Variants in MARF1 observed in about 807,000 individuals in gnomAD.
MARF1 encodes limkain-b1.
Under a neutral mutation model 168.2 loss-of-function variants are expected in MARF1, and 24 were observed. The observed-to-expected ratio is 0.14, with a 90% confidence interval of 0.10 to 0.20. The LOEUF (loss-of-function observed/expected upper bound fraction) is 0.20, where lower values mean the gene tolerates loss of function less well. Among genes scored for constraint, MARF1 ranks in the 10% least tolerant of loss-of-function variants. The pLI, the probability that MARF1 is intolerant of heterozygous loss-of-function variation, is 1.00. For missense variants in MARF1, 1,744 were observed against 2,143.6 expected (o/e 0.81, Z 3.68); for synonymous variants, 868 against 822.4 (o/e 1.06, Z -0.95).
At position 15,635,914 on chromosome 16, in the gene MARF1, C is replaced by A; in HGVS notation, c.573G>T (p.Leu191=). The A allele has an allele frequency of 1.4e-5, 22 of 1,614,074 alleles. No homozygotes were observed. Among genetic ancestry groups the A allele is most frequent in the Non-Finnish European group, 1.8e-5 (21 of 1,180,028 alleles). Residue 191 remains leucine (L), a synonymous_variant, in exon 3 of 27, where the codon CTG becomes CTT. Coordinates refer to ENST00000396368, the MANE Select transcript of MARF1 (RefSeq NM_014647.4). ...GGAAGTGGAGTTTTCCACAACAGGG[C>A]AGGTGTTTGCAGGAAGACAGGTTAC... ...LESNLSSCKH[L]PCCGKLHFQS... is the part of the protein sequence containing the mutation.
At chr16:15,615,462 A>C (rs2033968628) in intron 16 of MARF1, among the ~76,000 whole-genome samples, 1 of 152,044 alleles carries the variant, frequency 6.6e-6, no homozygotes, top group South Asian at 2.1e-4. Context: ...TGTCTCTACT[A>C]AAAATACAAA....
Position 15,608,285 on chromosome 16 carries a change from AT to A in MARF1, c.4182+5del. ...GAAAAAAAAAAAAAAAAAAAAAAAC[AT>A]TTACCTTCACGACATGGCAGAGTTT... On this transcript the variant is annotated splice_donor_5th_base_variant and intron_variant, in intron 21 of 26. Coordinates refer to ENST00000396368, the MANE Select transcript of MARF1 (RefSeq NM_014647.4). The A allele has an allele frequency of 2.1e-6, 3 of 1,438,250 alleles. No individual in the cohort carries two copies. The highest frequency in any genetic ancestry group is 2.9e-6 in the Non-Finnish European group (3 of 1,046,418). 89.1% of individuals were successfully genotyped at this position (1,438,250 alleles called of 1,614,324 possible).
chr16:15,620,334 G>A lies in MARF1; in HGVS notation c.2720+117C>T, dbSNP rs529999874. 1.1e-5 allele frequency: 6 copies of A among 527,866 alleles called. No homozygotes were observed. In the South Asian group the frequency reaches 1.8e-4, roughly 15 times the overall value. The allele number at this position is 527,866 out of a possible 1,614,324, so 32.7% of individuals were successfully genotyped here. A position where few individuals can be genotyped will look rare whatever the true frequency, so the allele number is the denominator to read the frequency against. On this transcript the variant is annotated intron_variant, in intron 13 of 26. Coordinates refer to ENST00000396368, the MANE Select transcript of MARF1 (RefSeq NM_014647.4). ...TTGACATGTAAATCTGAATGCCAGTGTCTCTGTCTCCTCTCCTCTACCAGG... is the reference window on the plus strand; with the variant it reads ...TTGACATGTAAATCTGAATGCCAGTATCTCTGTCTCCTCTCCTCTACCAGG...
Position 15,625,508 on chromosome 16 carries a change from T to C in MARF1, c.1817A>G (p.Lys606Arg). 1.9e-6 allele frequency: 3 copies of C among 1,614,268 alleles called. No homozygotes were observed. Among genetic ancestry groups the C allele is most frequent in the African/African-American group, 1.3e-5 (1 of 75,072 alleles). Residue 606 changes from lysine (K) to arginine (R), a missense_variant, in exon 8 of 27, where the codon AAA (lysine) becomes AGA (arginine). Around this residue, in one of 7 missense-constraint regions of MARF1, gnomAD observed 270 missense variants for 260.6 expected, o/e 1.04. Coordinates refer to ENST00000396368, the MANE Select transcript of MARF1 (RefSeq NM_014647.4). ...GCACAATTTTGGATTCTTAAGTTTT[T>C]TGGGAGACTTCACTTTATCAGCAAT... ...NAIADKVKSPKKLKNPKLCLI... is the reference protein window; with the variant it reads ...NAIADKVKSPRKLKNPKLCLI...
At chr16:15,638,339 A>G (rs976323077) in intron 2 of MARF1, among the ~76,000 whole-genome samples, 3 of 151,770 alleles carry the variant, frequency 2.0e-5, no homozygotes, top group African/African-American at 7.2e-5. Flanking sequence ...TAATCCCAGC[A>G]CTTTGGGAGG....
intron 10 of MARF1, 149 bp from the exon 11 acceptor site, chr16:15,623,272 A>AACT: frequency 3.5e-6 from 1 of 287,986 alleles, no homozygotes; most frequent in Non-Finnish European, 5.6e-6. Context: ...TGTGTTTTTA[A>AACT]TCTTTTTTTT....
At chr16:15,613,020 A>T (rs1295865723) in intron 16 of MARF1, among the ~76,000 whole-genome samples, 1 of 152,226 alleles carries the variant, frequency 6.6e-6, no homozygotes, top group East Asian at 1.9e-4. Flanking sequence ...CGGCCAAGGT[A>T]AAGCAGAGTC....
chr16:15,635,312 C>T (rs968412266), intron 3 of MARF1: 2 of 404,952 alleles, frequency 4.9e-6, no homozygotes, highest in African/African-American at 4.1e-5. Context: ...AGTTATCTAC[C>T]TTACATGAAT....
chr16:15,608,769 C>A, intron 20 of MARF1: 8 of 462,684 alleles, frequency 1.7e-5, no homozygotes, highest in Admixed American at 3.7e-5. Context: ...TATTGTGCCA[C>A]AATAAAACAA....
At chr16:15,618,792 C>T (rs151126465) in intron 13 of MARF1, among the ~76,000 whole-genome samples, 1 of 152,302 alleles carries the variant, frequency 6.6e-6, no homozygotes, top group East Asian at 1.9e-4. Flanking sequence ...TATGTGACCT[C>T]TCCACCCAGC....
In MARF1 at chr16:15,639,105, T is replaced by G; in HGVS notation, c.129A>C (p.Pro43=). The G allele has an allele frequency of 1.1e-5, 17 of 1,614,044 alleles. No homozygotes were observed. The highest frequency in any genetic ancestry group is 1.4e-5 in the Non-Finnish European group (17 of 1,179,978). ...NCFSRPEQTL[P]HSPQTKEYME... ...ATATAGTTACCGTTTGGGGACTATG[T>G]GGCAGCGTCTGCTCAGGACGAGAAA... Residue 43 remains proline, a synonymous_variant, in exon 2 of 27, where the codon CCA becomes CCC. Coordinates refer to ENST00000396368, the MANE Select transcript of MARF1 (RefSeq NM_014647.4).
Position 15,596,292 on chromosome 16 carries a change from G to C in MARF1, c.*401C>G, listed in dbSNP as rs756790184. 9.0e-5 allele frequency: 14 copies of C among 155,446 alleles called. No homozygotes were observed. Among genetic ancestry groups the C allele is most frequent in the Non-Finnish European group, 1.8e-4 (13 of 71,132 alleles). The allele number at this position is 155,446 out of a possible 1,614,324, so 9.6% of individuals were successfully genotyped here. On this transcript the variant is annotated 3_prime_UTR_variant, in exon 27 of 27. Transcript: ENST00000396368. ...GGAAACACCAGTAAGCAAAGGCTGA[G>C]AGACTCTATTATGCTACATGTAGGA...
At chr16:15,597,752 T>C (rs1308194149) in intron 26 of MARF1, among the ~76,000 whole-genome samples, 1 of 152,112 alleles carries the variant, frequency 6.6e-6, no homozygotes, top group African/African-American at 2.4e-5. Context: ...TCTTGTCCGG[T>C]GCATGCAGTT....
At position 15,625,528 on chromosome 16, in the gene MARF1, A is replaced by G; in HGVS notation, c.1797T>C (p.Ala599=). The G allele has an allele frequency of 6.2e-7, 1 of 1,614,182 alleles. No homozygotes were observed. Among genetic ancestry groups the G allele is most frequent in the Non-Finnish European group, 8.5e-7 (1 of 1,180,040 alleles). The change falls in exon 8 of 27, where the codon GCT becomes GCC. Residue 599 remains alanine (A), a synonymous_variant. Coordinates refer to ENST00000396368, the MANE Select transcript of MARF1 (RefSeq NM_014647.4). ...LCETKSSNAI[A]DKVKSPKKLK... ...GTTTTTTGGGAGACTTCACTTTATC[A>G]GCAATTGCATTTGAACTCTTTGTTT...
chr16:15,637,697 G>A (rs2035686228), intron 2 of MARF1, among the ~76,000 whole-genome samples: 1 of 152,004 alleles, frequency 6.6e-6, no homozygotes, highest in Non-Finnish European at 1.5e-5. Context: ...GACTCCATGA[G>A]GACCAGATCT....
At position 15,623,063 on chromosome 16, in the gene MARF1, C is replaced by T. The variant is rs1265366025; in HGVS notation, c.2331G>A (p.Ser777=). Residue 777 remains serine (S), a synonymous_variant, in exon 11 of 27, where the codon TCG becomes TCA. Coordinates refer to ENST00000396368, the MANE Select transcript of MARF1 (RefSeq NM_014647.4). ...GGTCTGGGCAGTCGGCTTCGCTGCT[C>T]GAATTTGCAATGTTGAAAGCAAGCG... The part of the protein sequence containing the change: ...ASPLAFNIAN[S]SSEADCPDPF... 5.0e-6 allele frequency: 8 copies of T among 1,610,508 alleles called. No individual in the cohort carries two copies. Among genetic ancestry groups the T allele is most frequent in the East Asian group, 4.5e-5 (2 of 44,764 alleles).
chr16:15,635,569 G>A, intron 3 of MARF1, 87 bp downstream of exon 3: 2 of 1,209,316 alleles, frequency 1.7e-6, no homozygotes, highest in Non-Finnish European at 2.4e-6. Flanking sequence ...TCAACCCCAT[G>A]TATAATACTT....
rs77404734 is a variant in MARF1, at chr16:15,608,283, A to C, written c.4182+8T>G. 4 of 1,366,420 alleles carry C rather than the reference A, an allele frequency of 2.9e-6. No homozygotes were observed. Among genetic ancestry groups the C allele is most frequent in the South Asian group, 2.6e-5 (2 of 76,218 alleles). 84.6% of individuals were successfully genotyped at this position (1,366,420 alleles called of 1,614,324 possible). On this transcript the variant is annotated splice_region_variant and intron_variant, in intron 21 of 26. Coordinates refer to ENST00000396368, the MANE Select transcript of MARF1 (RefSeq NM_014647.4). ...GGGAAAAAAAAAAAAAAAAAAAAAA[A>C]CATTTACCTTCACGACATGGCAGAG...
Position 15,595,356 on chromosome 16 carries a change from C to T in MARF1, c.*1337G>A, listed in dbSNP as rs1448673957. On this transcript the variant is annotated 3_prime_UTR_variant, in exon 27 of 27. Coordinates refer to ENST00000396368, the MANE Select transcript of MARF1 (RefSeq NM_014647.4). ...CATTTTCTGGCTTTCTAGAAGTTAC[C>T]AAATATAAACATTTCCCCAAAAGAA... is the stretch of plus-strand genomic sequence containing the variant. The T allele has an allele frequency of 6.6e-6, 1 of 152,530 alleles. No individual in the cohort carries two copies. The highest frequency in any genetic ancestry group is 1.5e-5 in the Non-Finnish European group (1 of 68,008). 9.4% of individuals were successfully genotyped at this position (152,530 alleles called of 1,614,324 possible).
Sources: gnomAD v4.1 joint callset for allele counts (sites outside exome capture counted in the v4.1 genomes callset) on GRCh38, gnomAD v4.1.1 for gene constraint, gnomAD v4.1.1 regional missense constraint, MANE v1.5 for transcripts, NCBI Gene and HGNC (gene_info 2026-07-23, HGNC 2026-07-21) for gene names.